Variants in MUC22 observed in about 807,000 individuals in gnomAD.
MUC22 encodes mucin-22.
MUC22 carries 24 observed loss-of-function variants against 40.3 expected under a neutral mutation model. The ratio of observed to expected loss-of-function variants is 0.60; its 90% CI spans 0.43 to 0.84. MUC22 has a LOEUF of 0.84. Ranked by LOEUF, MUC22 falls within the 40% of genes least tolerant of loss-of-function variation. The pLI, the probability that MUC22 is intolerant of heterozygous loss-of-function variation, is 0.00. For synonymous variants in MUC22, 765 were observed against 844.5 expected, an observed-to-expected ratio of 0.91 and a Z score of 1.63; for missense variants, 1,926 against 2,130.7, an observed-to-expected ratio of 0.90 and a Z score of 1.89.
intron 1 of MUC22, among the ~76,000 whole-genome samples, chr6:31,024,947 T>C (rs1632865): frequency 0.39 from 58,948 of 151,092 alleles, 11,813 homozygotes; most frequent in African/African-American, 0.45. Flanking sequence ...CTTGGCTCAC[T>C]GCAACCTCCG....
intron 1 of MUC22, among the ~76,000 whole-genome samples, chr6:31,021,626 G>A (rs1446646400): frequency 6.8e-6 from 1 of 146,924 alleles, no homozygotes; most frequent in Non-Finnish European, 1.5e-5. Flanking sequence ...GTATCTAGCT[G>A]CTCTGGAGGG....
intron 1 of MUC22, among the ~76,000 whole-genome samples, chr6:31,014,745 C>A (rs183176654): frequency 4.5e-4 from 68 of 152,254 alleles, no homozygotes; most frequent in Admixed American, 1.5e-3. Context: ...ATTCAGGGAT[C>A]CTGGGTGAAT....
chr6:31,026,211 C>G, exon 2 of MUC22: 1 of 1,521,966 alleles, frequency 6.6e-7, no homozygotes, highest in Non-Finnish European at 8.8e-7. Flanking sequence ...CCACTGTGGC[C>G]CCCGCTGCAG....
upstream of MUC22, chr6:31,010,460 A>C (rs73395824): frequency 1.9e-6 from 1 of 522,824 alleles, no homozygotes; most frequent in Non-Finnish European, 3.4e-6. Context: ...AATGCCACAG[A>C]CACGTTTGCG....
rs568258653 is a variant in MUC22 at position 31,016,802 on chromosome 6, C to T, written c.70+6026C>T. Among the ~76,000 whole-genome samples, 302 of 152,322 alleles carry T rather than the reference C, an allele frequency of 2.0e-3. 1 individual carries two copies. The highest frequency in any genetic ancestry group is 7.0e-3 in the African/African-American group (291 of 41,580). On this transcript the variant is annotated intron_variant, in intron 1 of 3. Transcript: ENST00000561890. ...TCAGGGAGGTGTGGAGGGAGAGGCACGGGCGGGAACCCGGGCTGCCTGCGG... is the reference window on the plus strand; with the variant it reads ...TCAGGGAGGTGTGGAGGGAGAGGCATGGGCGGGAACCCGGGCTGCCTGCGG...
intron 1 of MUC22, among the ~76,000 whole-genome samples, chr6:31,016,239 G>A (rs540722102): frequency 2.2e-4 from 33 of 151,700 alleles, no homozygotes; most frequent in Non-Finnish European, 4.7e-4. Flanking sequence ...TTGCTTCATA[G>A]GGATATTTGT....
chr6:31,006,066 C>T (rs12193866), upstream of MUC22: 5,817 of 306,174 alleles, frequency 0.019, 97 homozygotes, highest in Middle Eastern at 0.033. Context: ...GAGATTGCAC[C>T]ACTGCACTCC....
chr6:31,034,909 G>A (rs892626371), exon 4 of MUC22: 27 of 1,535,434 alleles, frequency 1.8e-5, no homozygotes, highest in East Asian at 4.9e-5. Context: ...GAATCATGGC[G>A]GGCATTATGG....
intron 2 of MUC22, among the ~76,000 whole-genome samples, chr6:31,030,856 A>G (rs753073333): frequency 4.6e-5 from 7 of 152,190 alleles, no homozygotes; most frequent in Non-Finnish European, 7.3e-5. Context: ...CTGGTTTTGT[A>G]AAGTTTTACT....
At chr6:31,010,610 C>T in exon 1 of MUC22, 1 of 681,774 alleles carries the variant, frequency 1.5e-6, no homozygotes, top group Non-Finnish European at 2.7e-6. Flanking sequence ...TCTATCAAGG[C>T]CCAGGGGGTT....
intron 3 of MUC22, among the ~76,000 whole-genome samples, chr6:31,034,355 G>C (rs1405943105): frequency 6.6e-6 from 1 of 152,150 alleles, no homozygotes; most frequent in Non-Finnish European, 1.5e-5. Context: ...TTCACATAGG[G>C]GTATGGATTT....
chr6:31,027,337 AC>A lies in MUC22; in HGVS notation c.1908del (p.Thr637GlnfsTer39), dbSNP rs112064513. On this transcript the variant is annotated frameshift_variant, in exon 2 of 4. Coordinates refer to ENST00000561890, the Ensembl canonical transcript of MUC22. LOFTEE classifies it high-confidence loss of function. The stretch of plus-strand genomic sequence containing the variant: ...AGCCTCTACTGAAGGCTCTGAGACC[AC>A]CACAGCTTCCACTGAAGGCTCTGAG... 0.013 allele frequency: 20,079 copies of A among 1,531,922 alleles called. 1,254 individuals are homozygous for A. Among genetic ancestry groups the A allele is most frequent in the African/African-American group, 0.12 (8,285 of 70,722 alleles). 94.9% of individuals were successfully genotyped at this position (1,531,922 alleles called of 1,614,324 possible). A position where few individuals can be genotyped will look rare whatever the true frequency, so the allele number is the denominator to read the frequency against.
chr6:31,020,441 C>CTTTTTT (rs3084519), intron 1 of MUC22, among the ~76,000 whole-genome samples: 11 of 126,702 alleles, frequency 8.7e-5, no homozygotes, highest in South Asian at 2.6e-4. Context: ...TGGAAATTGA[C>CTTTTTT]TTTTTTTTTT....
At chr6:31,026,214 C>A (rs1382359593) in exon 2 of MUC22, 1 of 1,520,964 alleles carries the variant, frequency 6.6e-7, no homozygotes, top group African/African-American at 1.4e-5. Context: ...CTGTGGCCCC[C>A]GCTGCAGGCT....
At chr6:31,022,021 A>G (rs899589583) in intron 1 of MUC22, among the ~76,000 whole-genome samples, 1 of 152,072 alleles carries the variant, frequency 6.6e-6, no homozygotes, top group East Asian at 1.9e-4. Context: ...GAACAATTCC[A>G]CACGCATGGG....
chr6:31,021,918 G>T (rs1314433257), intron 1 of MUC22, among the ~76,000 whole-genome samples: 1 of 151,816 alleles, frequency 6.6e-6, no homozygotes, highest in African/African-American at 2.4e-5. Flanking sequence ...CACTTTTTGG[G>T]TCTACACTGT....
exon 1 of MUC22, chr6:31,010,724 C>G: frequency 1.4e-6 from 1 of 702,600 alleles, no homozygotes; most frequent in Non-Finnish European, 2.6e-6. Flanking sequence ...GAGGAAATAT[C>G]TCTCCTGCTT....
chr6:31,022,128 C>T (rs976611452), intron 1 of MUC22, among the ~76,000 whole-genome samples: 1 of 152,116 alleles, frequency 6.6e-6, no homozygotes, highest in Non-Finnish European at 1.5e-5. Context: ...CCGAACACAT[C>T]TGAACATCAG....
At chr6:31,023,194 A>G (rs1385852736) in intron 1 of MUC22, among the ~76,000 whole-genome samples, 1 of 151,480 alleles carries the variant, frequency 6.6e-6, no homozygotes, top group African/African-American at 2.4e-5. Context: ...AAAATGGAGG[A>G]AAAGGTAAGA....
Sources: allele counts gnomAD v4.1 joint callset (sites outside exome capture counted in the v4.1 genomes callset), GRCh38; gene constraint gnomAD v4.1.1; transcripts MANE v1.5; gene names NCBI Gene and HGNC (gene_info 2026-07-23, HGNC 2026-07-21).